Variants in IGSF11 observed in about 807,000 individuals in gnomAD.
IGSF11 encodes CXADR like 1.
In IGSF11, 22 loss-of-function variants were observed where a neutral mutation model predicts 41.0. The observed-to-expected ratio is 0.54, with a 90% CI of 0.38 to 0.77. The LOEUF (loss-of-function observed/expected upper bound fraction) is 0.77. Ranked by LOEUF, IGSF11 falls within the 30% of genes least tolerant of loss-of-function variation. The probability of loss-of-function intolerance (pLI) is 0.00; values close to 1 mark genes in which losing one functional copy is unlikely to be tolerated. For missense variants in IGSF11, 444 were observed against 530.8 expected (o/e 0.84, Z 1.61); for synonymous variants, 219 against 201.3 (o/e 1.09, Z -0.74).
intron 1 of IGSF11, among the ~76,000 whole-genome samples, chr3:119,118,990 A>C (rs376683219): frequency 6.6e-6 from 1 of 152,162 alleles, no homozygotes; most frequent in South Asian, 2.1e-4. Flanking sequence ...TTCATTGTCC[A>C]TATCATTATT....
At chr3:118,949,547 A>G (rs1944423651) in intron 1 of IGSF11, among the ~76,000 whole-genome samples, 1 of 152,196 alleles carries the variant, frequency 6.6e-6, no homozygotes, top group Non-Finnish European at 1.5e-5. Flanking sequence ...TGAAGCATGC[A>G]TAGCTGAAAT....
chr3:119,136,931 C>A (rs937176765), intron 1 of IGSF11, among the ~76,000 whole-genome samples: 1 of 151,996 alleles, frequency 6.6e-6, no homozygotes, highest in African/African-American at 2.4e-5. Context: ...TTTCTATGTG[C>A]CAACAGCAAG....
chr3:118,953,537 C>A (rs1258391784), intron 1 of IGSF11, among the ~76,000 whole-genome samples: 1 of 152,134 alleles, frequency 6.6e-6, no homozygotes, highest in Non-Finnish European at 1.5e-5. Flanking sequence ...AAATTGTTCC[C>A]TTTCTACCTC....
chr3:119,126,128 T>A (rs1347284555), intron 1 of IGSF11, among the ~76,000 whole-genome samples: 1 of 152,234 alleles, frequency 6.6e-6, no homozygotes, highest in African/African-American at 2.4e-5. Context: ...ACATGCTCCC[T>A]GCGTGGGAGA....
chr3:119,051,025 T>C (rs1335636914), intron 1 of IGSF11, among the ~76,000 whole-genome samples: 2 of 150,048 alleles, frequency 1.3e-5, no homozygotes, highest in Non-Finnish European at 3.0e-5. Context: ...AGGGATGGCA[T>C]TGGGAGATAT....
chr3:118,997,679 C>A (rs906091519), intron 1 of IGSF11, among the ~76,000 whole-genome samples: 11 of 152,106 alleles, frequency 7.2e-5, no homozygotes, highest in Non-Finnish European at 1.0e-4. Context: ...GACAACTATA[C>A]CAGGCAATTG....
chr3:119,112,476 G>T (rs562251239), intron 1 of IGSF11, among the ~76,000 whole-genome samples: 1 of 152,134 alleles, frequency 6.6e-6, no homozygotes, highest in Non-Finnish European at 1.5e-5. Context: ...GGAGTGACCC[G>T]ATTTTCCAGG....
chr3:118,959,981 C>T (rs1240728940), intron 1 of IGSF11, among the ~76,000 whole-genome samples: 1 of 150,850 alleles, frequency 6.6e-6, no homozygotes, highest in Admixed American at 6.7e-5. Context: ...GGAGGCGGAG[C>T]TTGCAGTGAG....
chr3:118,956,580 C>T (rs979339536), intron 1 of IGSF11, among the ~76,000 whole-genome samples: 5 of 152,170 alleles, frequency 3.3e-5, no homozygotes, highest in African/African-American at 1.2e-4. Context: ...AACAGCTGAT[C>T]AGTGGAGCAG....
chr3:119,127,777 A>G (rs1307246001), intron 1 of IGSF11, among the ~76,000 whole-genome samples: 1 of 152,206 alleles, frequency 6.6e-6, no homozygotes, highest in Admixed American at 6.5e-5. Context: ...ACAGTTTTCA[A>G]CCCAGAATTT....
intron 1 of IGSF11, among the ~76,000 whole-genome samples, chr3:119,142,544 T>C (rs1486409772): frequency 6.6e-6 from 1 of 152,124 alleles, no homozygotes; most frequent in African/African-American, 2.4e-5. Flanking sequence ...ATTGAAATTC[T>C]TCAGCCTGAA....
chr3:118,960,926 T>C (rs1276029040), intron 1 of IGSF11, among the ~76,000 whole-genome samples: 1 of 152,210 alleles, frequency 6.6e-6, no homozygotes, highest in African/African-American at 2.4e-5. Flanking sequence ...TAATCAGCAA[T>C]ATTTCAAGCT....
chr3:119,066,682 G>A (rs1434809382), intron 1 of IGSF11, among the ~76,000 whole-genome samples: 2 of 152,102 alleles, frequency 1.3e-5, no homozygotes, highest in African/African-American at 2.4e-5. Context: ...ATTTTTCCCA[G>A]AGAACTGGAT....
At chr3:119,142,385 T>C (rs918245978) in intron 1 of IGSF11, among the ~76,000 whole-genome samples, 1 of 152,156 alleles carries the variant, frequency 6.6e-6, no homozygotes, top group East Asian at 1.9e-4. Context: ...CTTTACCTTT[T>C]GTTTTTTTAT....
At chr3:118,990,775 C>T (rs1479948858) in intron 1 of IGSF11, among the ~76,000 whole-genome samples, 4 of 151,602 alleles carry the variant, frequency 2.6e-5, no homozygotes, top group Non-Finnish European at 5.9e-5. Flanking sequence ...ACAACAGAAA[C>T]CTGAAGTATT....
intron 4 of IGSF11, among the ~76,000 whole-genome samples, chr3:118,924,380 C>A (rs1942104556): frequency 6.6e-6 from 1 of 151,790 alleles, no homozygotes; most frequent in Non-Finnish European, 1.5e-5. Context: ...AGTAAATCTT[C>A]TGAAAAAAAT....
At chr3:118,910,278 C>A (rs73185808) in intron 4 of IGSF11, among the ~76,000 whole-genome samples, 135 of 152,320 alleles carry the variant, frequency 8.9e-4, no homozygotes, top group Non-Finnish European at 1.5e-3. Context: ...CTGCTTTCCT[C>A]AAGCAAACTT....
chr3:119,067,996 G>C (rs1353520533), intron 1 of IGSF11, among the ~76,000 whole-genome samples: 1 of 152,192 alleles, frequency 6.6e-6, no homozygotes, highest in Non-Finnish European at 1.5e-5. Context: ...AATATCCCTA[G>C]TAGATTCTAA....
chr3:118,902,349 A>T lies in IGSF11; in HGVS notation c.*171T>A. On this transcript the variant is annotated 3_prime_UTR_variant, in exon 7 of 7. Coordinates refer to ENST00000393775, the MANE Select transcript of IGSF11 (RefSeq NM_001015887.3). ...GCAAGTCTTCATGATGGAGCATTTC[A>T]GTCCATTTTACACATCTTAGTGGCC... 1 of 580,102 alleles carries T rather than the reference A, an allele frequency of 1.7e-6. No individual in the cohort carries two copies. Among genetic ancestry groups the T allele is most frequent in the Non-Finnish European group, 3.0e-6 (1 of 328,258 alleles). The allele number at this position is 580,102 out of a possible 1,614,324, so 35.9% of individuals were successfully genotyped here. A position where few individuals can be genotyped will look rare whatever the true frequency, so the allele number is the denominator to read the frequency against.
Sources: allele counts gnomAD v4.1 joint callset (sites outside exome capture counted in the v4.1 genomes callset), GRCh38; gene constraint gnomAD v4.1.1; transcripts MANE v1.5; gene names NCBI Gene and HGNC (gene_info 2026-07-23, HGNC 2026-07-21).